TMEM131: variants seen among roughly 807,000 people sequenced by gnomAD.
TMEM131 encodes 2610524E03Rik.
TMEM131 carries 66 observed loss-of-function variants against 211.6 expected under a neutral mutation model. The observed-to-expected ratio is 0.31, with a 90% CI of 0.26 to 0.38. The LOEUF (loss-of-function observed/expected upper bound fraction) is 0.38. Among genes scored for constraint, TMEM131 ranks in the 10% least tolerant of loss-of-function variants. The probability of loss-of-function intolerance (pLI) is 1.00; values close to 1 mark genes in which losing one functional copy is unlikely to be tolerated. For synonymous variants in TMEM131, 844 were observed against 841.3 expected, an observed-to-expected ratio of 1.00 and a Z score of -0.06; for missense variants, 2,036 against 2,299.3, an observed-to-expected ratio of 0.89 and a Z score of 2.34.
At chr2:97,811,253 A>G (rs775450204) in intron 17 of TMEM131, 21 bp from the exon 18 acceptor site, 10 of 1,569,768 alleles carry the variant, frequency 6.4e-6, no homozygotes, top group Non-Finnish European at 8.8e-6. Context: ...TAGAAATGGT[A>G]TCATTCATTA....
chr2:97,931,879 A>C (rs1025019085), intron 1 of TMEM131, among the ~76,000 whole-genome samples: 3 of 152,010 alleles, frequency 2.0e-5, no homozygotes, highest in Non-Finnish European at 4.4e-5. Flanking sequence ...CCTTGACCCC[A>C]CTCACAGTGT....
intron 1 of TMEM131, among the ~76,000 whole-genome samples, chr2:97,944,379 A>G (rs1212311867): frequency 6.6e-6 from 1 of 152,200 alleles, no homozygotes; most frequent in Non-Finnish European, 1.5e-5. Context: ...AAACTTTTGA[A>G]GATAACATAG....
chr2:97,895,839 G>T (rs1203012606), intron 3 of TMEM131, among the ~76,000 whole-genome samples: 1 of 151,898 alleles, frequency 6.6e-6, no homozygotes, highest in Non-Finnish European at 1.5e-5. Flanking sequence ...TTGATTTTTT[G>T]AAGGGTTTTT....
chr2:97,970,239 T>C (rs1679238357), intron 1 of TMEM131, among the ~76,000 whole-genome samples: 1 of 152,050 alleles, frequency 6.6e-6, no homozygotes, highest in African/African-American at 2.4e-5. Flanking sequence ...GGCCTTAGAC[T>C]CCCCTTGGCC....
chr2:97,847,036 G>C (rs1167185340), intron 5 of TMEM131, among the ~76,000 whole-genome samples: 1 of 142,930 alleles, frequency 7.0e-6, no homozygotes, highest in East Asian at 2.1e-4. Context: ...AAAATTAGTT[G>C]GGTGTGATGG....
chr2:97,886,707 G>A (rs1675174008), intron 4 of TMEM131, among the ~76,000 whole-genome samples: 1 of 152,188 alleles, frequency 6.6e-6, no homozygotes. Flanking sequence ...TTAGGGTCTG[G>A]CTCTAAAACG....
intron 19 of TMEM131, among the ~76,000 whole-genome samples, chr2:97,807,464 G>C (rs940965048): frequency 2.0e-5 from 3 of 152,154 alleles, no homozygotes; most frequent in Non-Finnish European, 2.9e-5. Flanking sequence ...CTTGCCATGT[G>C]ATCTTTGCAC....
chr2:97,909,536 T>C (rs755296162), intron 2 of TMEM131, among the ~76,000 whole-genome samples: 2 of 152,192 alleles, frequency 1.3e-5, no homozygotes, highest in African/African-American at 2.4e-5. Flanking sequence ...GAAGTTCTTA[T>C]TGATGTACGA....
chr2:97,857,767 C>G (rs761188767), intron 5 of TMEM131, among the ~76,000 whole-genome samples: 5 of 152,206 alleles, frequency 3.3e-5, no homozygotes, highest in African/African-American at 1.2e-4. Flanking sequence ...CACCTTGGCA[C>G]CTGTCACTCA....
chr2:97,897,659 T>TA (rs1229353958), intron 3 of TMEM131, among the ~76,000 whole-genome samples: 1 of 152,182 alleles, frequency 6.6e-6, no homozygotes, highest in Non-Finnish European at 1.5e-5. Flanking sequence ...AATATTCTGT[T>TA]AGAGATTTCT....
At chr2:97,758,864 A>C in intron 40 of TMEM131, 29 bp downstream of exon 40, 1 of 1,585,346 alleles carries the variant, frequency 6.3e-7, no homozygotes, top group Non-Finnish European at 8.6e-7. Context: ...GGCCAGGTCC[A>C]GGCCCCAGCC....
At chr2:97,881,800 T>C (rs1215974771) in intron 4 of TMEM131, among the ~76,000 whole-genome samples, 1 of 151,728 alleles carries the variant, frequency 6.6e-6, no homozygotes, top group East Asian at 1.9e-4. Flanking sequence ...ATTACAGTAT[T>C]CTAATCTTTT....
At chr2:97,927,578 T>C (rs1677044870) in intron 1 of TMEM131, 91 bp from the exon 2 acceptor site, 5 of 1,100,184 alleles carry the variant, frequency 4.5e-6, no homozygotes, top group Non-Finnish European at 6.2e-6. Flanking sequence ...AATATAATTT[T>C]ATATCTAAAA....
chr2:97,939,019 A>G (rs1460895281), intron 1 of TMEM131, among the ~76,000 whole-genome samples: 1 of 152,214 alleles, frequency 6.6e-6, no homozygotes, highest in East Asian at 1.9e-4. Context: ...TCTGGGACAC[A>G]TTTAAAGCAG....
At chr2:97,770,855 T>G (rs564314942) in intron 33 of TMEM131, among the ~76,000 whole-genome samples, 6 of 152,300 alleles carry the variant, frequency 3.9e-5, no homozygotes, top group Non-Finnish European at 4.4e-5. Flanking sequence ...CCTCACAAGA[T>G]TTCTGCAAAT....
At chr2:97,878,812 G>A (rs1654762529) in intron 4 of TMEM131, among the ~76,000 whole-genome samples, 2 of 152,040 alleles carry the variant, frequency 1.3e-5, no homozygotes, top group African/African-American at 4.8e-5. Flanking sequence ...AAAACTGCAC[G>A]TTCTGCACAT....
intron 1 of TMEM131, among the ~76,000 whole-genome samples, chr2:97,948,691 G>A (rs1021248147): frequency 2.6e-5 from 4 of 151,662 alleles, no homozygotes; most frequent in South Asian, 4.2e-4. Context: ...GGAGCCTCGC[G>A]CTGTCGCCCA....
chr2:97,928,263 AT>A (rs1677071681), intron 1 of TMEM131, among the ~76,000 whole-genome samples: 1 of 152,226 alleles, frequency 6.6e-6, no homozygotes, highest in Non-Finnish European at 1.5e-5. Context: ...AGTACATGAC[AT>A]TCTGGAAAAG....
At chr2:97,790,797 T>C (rs1172367695) in intron 31 of TMEM131, among the ~76,000 whole-genome samples, 2 of 152,258 alleles carry the variant, frequency 1.3e-5, no homozygotes, top group South Asian at 2.1e-4. Flanking sequence ...CAGTTAATAA[T>C]GGGTTAGCCA....
Sources: gnomAD v4.1 joint callset for allele counts (sites outside exome capture counted in the v4.1 genomes callset) on GRCh38, gnomAD v4.1.1 for gene constraint, MANE v1.5 for transcripts, NCBI Gene and HGNC (gene_info 2026-07-23, HGNC 2026-07-21) for gene names.